TFAP2B: variants seen among roughly 807,000 people sequenced by gnomAD.
The protein encoded by TFAP2B is transcription factor AP-2-beta.
TFAP2B carries 9 observed loss-of-function variants against 44.3 expected under a neutral mutation model. That is an observed-to-expected ratio of 0.20 (90% confidence interval 0.12 to 0.35). The LOEUF is 0.35. TFAP2B is among the 10% of genes least tolerant of loss of function. The pLI is 1.00. For missense variants in TFAP2B, 509 were observed against 600.0 expected (o/e 0.85, Z 1.59); for synonymous variants, 270 against 263.8 (o/e 1.02, Z -0.23).
At position 50,827,041 on chromosome 6, in the gene TFAP2B, C is replaced by G. The variant is rs114547915; in HGVS notation, c.541-1578C>G. On this transcript the variant is annotated intron_variant, in intron 2 of 6. Transcript: ENST00000393655. ...AATTAGATAGAAAATCAGACAAGAG[C>G]CTTCTCATTAACTACCACAACTACC... 5.6e-3 allele frequency among the ~76,000 whole-genome samples: 851 copies of G among 152,270 alleles called. 8 individuals are homozygous for G. Among genetic ancestry groups the G allele is most frequent in the South Asian group, 8.3e-3 (40 of 4,822 alleles).
At chr6:50,838,699 T>G (rs1395386123) in intron 5 of TFAP2B, among the ~76,000 whole-genome samples, 1 of 152,198 alleles carries the variant, frequency 6.6e-6, no homozygotes, top group African/African-American at 2.4e-5. Flanking sequence ...GGGTGATAAT[T>G]GCAATAAGCA....
chr6:50,822,030 C>A, intron 1 of TFAP2B: 12 of 595,012 alleles, frequency 2.0e-5, no homozygotes, highest in Non-Finnish European at 2.9e-5. Context: ...CCTGGAAACA[C>A]ATCAAGCTCA....
rs1410510107 is a variant in TFAP2B at position 50,823,684 on chromosome 6, C to G, written c.359C>G (p.Ser120Cys). Reference protein sequence around the residue: ...QRQEVGSEAGSLLPQPRAALP... With the variant: ...QRQEVGSEAGCLLPQPRAALP... ...CAAGAAGTGGGTTCGGAAGCCGGCTCTCTCCTGCCCCAGCCTCGGGCCGCC... is the reference window on the plus strand; with the variant it reads ...CAAGAAGTGGGTTCGGAAGCCGGCTGTCTCCTGCCCCAGCCTCGGGCCGCC... Residue 120 changes from serine to cysteine, a missense_variant, in exon 2 of 7, where the codon TCT becomes TGT. By Grantham distance (112) the Ser-to-Cys change is moderately radical. Coordinates refer to ENST00000393655, the MANE Select transcript of TFAP2B (RefSeq NM_003221.4). 4 of 1,613,728 alleles carry G rather than the reference C, an allele frequency of 2.5e-6. No individual in the cohort carries two copies. The highest frequency in any genetic ancestry group is 2.7e-5 in the African/African-American group (2 of 74,914).
At chr6:50,840,053 G>C in intron 5 of TFAP2B, 103 bp from the exon 6 acceptor site, 1 of 1,474,690 alleles carries the variant, frequency 6.8e-7, no homozygotes, top group Non-Finnish European at 9.4e-7. Context: ...TCCAACAGCT[G>C]GCCTTCTCTG....
chr6:50,840,904 G>A (rs1762713687), intron 6 of TFAP2B, among the ~76,000 whole-genome samples: 1 of 152,250 alleles, frequency 6.6e-6, no homozygotes, highest in Admixed American at 6.5e-5. Context: ...TATTGTTGGT[G>A]TTTTATGGCC....
chr6:50,841,484 G>A (rs369434209), intron 6 of TFAP2B, among the ~76,000 whole-genome samples: 1 of 152,032 alleles, frequency 6.6e-6, no homozygotes, highest in African/African-American at 2.4e-5. Flanking sequence ...GGGTACTTTA[G>A]GGAAAAAAAT....
intron 6 of TFAP2B, among the ~76,000 whole-genome samples, chr6:50,842,657 G>A (rs374226890): frequency 7.2e-5 from 11 of 152,240 alleles, no homozygotes; most frequent in African/African-American, 2.4e-5. Flanking sequence ...TGGCCGAGGG[G>A]CCTAAATCTT....
At chr6:50,830,150 T>C (rs958485053) in intron 3 of TFAP2B, among the ~76,000 whole-genome samples, 27 of 152,236 alleles carry the variant, frequency 1.8e-4, no homozygotes, top group African/African-American at 4.6e-4. Context: ...AGCTTCTCCA[T>C]TGGCTTTTTT....
Position 50,844,022 on chromosome 6 carries a change from C to T in TFAP2B, c.*630C>T, listed in dbSNP as rs1480582956. ...CCCGCCCAGCCCTGCGATCTTAACT[C>T]ACCGGGCCCGGCTCCCCGGCCGCTT... On this transcript the variant is annotated 3_prime_UTR_variant, in exon 7 of 7. Transcript: ENST00000393655. 6.6e-6 allele frequency: 1 copy of T among 152,312 alleles called. No homozygotes were observed. Among genetic ancestry groups the T allele is most frequent in the East Asian group, 1.9e-4 (1 of 5,180 alleles). The allele number at this position is 152,312 out of a possible 1,614,324, so 9.4% of individuals were successfully genotyped here. A position where few individuals can be genotyped will look rare whatever the true frequency, so the allele number is the denominator to read the frequency against.
At chr6:50,833,152 G>C (rs1762548791) in intron 3 of TFAP2B, among the ~76,000 whole-genome samples, 1 of 152,140 alleles carries the variant, frequency 6.6e-6, no homozygotes, top group South Asian at 2.1e-4. Flanking sequence ...AGTCATCTCT[G>C]GGTTCCATGA....
chr6:50,842,942 G>A (rs1349634194), intron 6 of TFAP2B, 150 bp from the exon 7 acceptor site: 8 of 1,103,764 alleles, frequency 7.2e-6, no homozygotes, highest in African/African-American at 1.5e-5. Flanking sequence ...AGAAGGGAGG[G>A]CGCTGGGAAA....
chr6:50,841,437 G>T (rs1762729970), intron 6 of TFAP2B, among the ~76,000 whole-genome samples: 1 of 146,002 alleles, frequency 6.8e-6, no homozygotes, highest in African/African-American at 2.5e-5. Context: ...CGGGGTGTGT[G>T]TGTGGGGGGG....
At chr6:50,828,799 A>G (rs986582329) in intron 3 of TFAP2B, 120 bp downstream of exon 3, 7 of 1,190,442 alleles carry the variant, frequency 5.9e-6, no homozygotes, top group Non-Finnish European at 8.7e-6. Context: ...GTTCACAATT[A>G]TAGGACAATG....
chr6:50,836,633 G>A (rs1460956381), intron 4 of TFAP2B, among the ~76,000 whole-genome samples: 2 of 152,152 alleles, frequency 1.3e-5, no homozygotes, highest in Non-Finnish European at 2.9e-5. Flanking sequence ...TCCAGCCTGA[G>A]TACAACGCGG....
Position 50,836,136 on chromosome 6 carries a change from C to A in TFAP2B, c.677C>A (p.Thr226Asn). ...DGFLGGMSVN[T>N]GEVFCSVPGR... is the part of the protein sequence containing the mutation. ...TTCCTGGGAGGCATGTCTGTCAACA[C>A]CGGCGAGGTGTTTTGCTCCGTCCCA... The change falls in exon 4 of 7, where the codon ACC becomes AAC. Residue 226 changes from threonine (T) to asparagine (N), a missense_variant. Coordinates refer to ENST00000393655, the MANE Select transcript of TFAP2B (RefSeq NM_003221.4). 6.2e-7 allele frequency: 1 copy of A among 1,614,172 alleles called. No homozygotes were observed. Among genetic ancestry groups the A allele is most frequent in the South Asian group, 1.1e-5 (1 of 91,076 alleles).
chr6:50,828,813 G>A (rs1581816399), intron 3 of TFAP2B, 134 bp downstream of exon 3: 1 of 1,042,250 alleles, frequency 9.6e-7, no homozygotes, highest in East Asian at 2.5e-5. Context: ...GACAATGGCT[G>A]TCAGATTAGG....
intron 2 of TFAP2B, among the ~76,000 whole-genome samples, chr6:50,825,065 TGTG>T (rs1307859028): frequency 6.6e-6 from 1 of 152,188 alleles, no homozygotes; most frequent in South Asian, 2.1e-4. Context: ...ACAGTTAAAA[TGTG>T]GTGACAGCAT....
intron 2 of TFAP2B, among the ~76,000 whole-genome samples, chr6:50,827,811 T>C (rs1292212928): frequency 6.6e-6 from 1 of 152,216 alleles, no homozygotes; most frequent in South Asian, 2.1e-4. Flanking sequence ...CTATTTCCTC[T>C]CAGAAGTGCT....
At chr6:50,836,419 C>A in intron 4 of TFAP2B, 139 bp downstream of exon 4, 1 of 809,784 alleles carries the variant, frequency 1.2e-6, no homozygotes, top group Non-Finnish European at 2.0e-6. Context: ...AACCGGGTGG[C>A]CGGAGCATTG....
Sources: gnomAD v4.1 joint callset for allele counts (sites outside exome capture counted in the v4.1 genomes callset) on GRCh38, gnomAD v4.1.1 for gene constraint, MANE v1.5 for transcripts, NCBI Gene and HGNC (gene_info 2026-07-23, HGNC 2026-07-21) for gene names.